The following PDE1C variants were observed in gnomAD, a reference collection of about 807,000 sequenced individuals.
PDE1C encodes the protein dual specificity calcium/calmodulin-dependent 3',5'-cyclic nucleotide phosphodiesterase 1C.
Under a neutral mutation model 93.1 loss-of-function variants are expected in PDE1C, and 62 were observed. The observed-to-expected ratio is 0.67, with a 90% confidence interval of 0.54 to 0.82. The LOEUF (loss-of-function observed/expected upper bound fraction) is 0.82. Ranked by LOEUF, PDE1C falls within the 40% of genes least tolerant of loss-of-function variation. The probability of loss-of-function intolerance (pLI) is 0.00; values close to 1 mark genes in which losing one functional copy is unlikely to be tolerated. For missense variants in PDE1C, 742 were observed against 884.6 expected (o/e 0.84, Z 2.04); for synonymous variants, 325 against 310.1 (o/e 1.05, Z -0.50).
chr7:31,849,225 G>C (rs1346197265), intron 8 of PDE1C, among the ~76,000 whole-genome samples: 1 of 152,180 alleles, frequency 6.6e-6, no homozygotes, highest in Non-Finnish European at 1.5e-5. Flanking sequence ...TCTCCTCTGT[G>C]TTGGGACTGG....
chr7:32,419,960 C>T lies in PDE1C; in HGVS notation c.310+7862G>A, dbSNP rs373766215. On this transcript the variant is annotated intron_variant, in intron 1 of 1. Coordinates refer to the PDE1C transcript ENST00000672256. ...GGGTAATAGGCTGGGCATGGTGGCT[C>T]ACACCTGTAATCCCAGCAGTTTGGG... Among the ~76,000 whole-genome samples the T allele has an allele frequency of 2.0e-5, 3 of 150,034 alleles. No homozygotes were observed. In the East Asian group the frequency reaches 6.0e-4, roughly 30 times the overall value.
At chr7:32,422,840 G>A (rs1785459652) in intron 1 of PDE1C, among the ~76,000 whole-genome samples, 1 of 152,212 alleles carries the variant, frequency 6.6e-6, no homozygotes, top group African/African-American at 2.4e-5. Flanking sequence ...AAATTGGCAA[G>A]AGAGTGGTTG....
the PDE1C span, among the ~76,000 whole-genome samples, chr7:31,684,135 G>C: frequency 1.3e-5 from 2 of 152,142 alleles, no homozygotes; most frequent in Non-Finnish European, 2.9e-5. Flanking sequence ...CCTTAAAAGG[G>C]GGAGGGGCAT....
intron 3 of PDE1C, among the ~76,000 whole-genome samples, chr7:32,101,197 G>C (rs1798018732): frequency 6.6e-6 from 1 of 152,184 alleles, no homozygotes. Flanking sequence ...ACATCAACCA[G>C]CAAAGTTCTT....
At chr7:31,729,096 A>G in the PDE1C span, among the ~76,000 whole-genome samples, 4 of 152,240 alleles carry the variant, frequency 2.6e-5, no homozygotes, top group Admixed American at 2.6e-4. Context: ...AATGATAAAT[A>G]CAGGCTGTGT....
At chr7:31,950,895 G>A (rs574698177) in intron 2 of PDE1C, among the ~76,000 whole-genome samples, 3 of 152,210 alleles carry the variant, frequency 2.0e-5, no homozygotes, top group African/African-American at 7.2e-5. Context: ...GTCTGCTGGG[G>A]CTGCCATGAT....
At chr7:32,308,750 C>T (rs1012706115) in intron 1 of PDE1C, among the ~76,000 whole-genome samples, 5 of 152,116 alleles carry the variant, frequency 3.3e-5, no homozygotes, top group African/African-American at 1.2e-4. Flanking sequence ...CCCTTCTGTA[C>T]GTCACCATCA....
intron 2 of PDE1C, among the ~76,000 whole-genome samples, chr7:31,982,729 G>A (rs1160108023): frequency 6.6e-5 from 10 of 151,848 alleles, no homozygotes; most frequent in Admixed American, 6.5e-4. Context: ...AAGTGTAGGT[G>A]TTCATTATAC....
chr7:32,181,164 T>C (rs1009509207), intron 2 of PDE1C, among the ~76,000 whole-genome samples: 8 of 152,164 alleles, frequency 5.3e-5, no homozygotes, highest in Admixed American at 2.6e-4. Context: ...CTTAAAGACA[T>C]ACAAAGAGAC....
the PDE1C span, among the ~76,000 whole-genome samples, chr7:31,714,941 T>C: frequency 6.6e-6 from 1 of 152,106 alleles, no homozygotes; most frequent in Non-Finnish European, 1.5e-5. Context: ...GGAGCTTCAC[T>C]ATAAGAGGTA....
the PDE1C span, among the ~76,000 whole-genome samples, chr7:31,659,352 T>C: frequency 6.6e-6 from 1 of 152,328 alleles, no homozygotes; most frequent in African/African-American, 2.4e-5. Flanking sequence ...GAGGAGTACA[T>C]TGACACTGAT....
intron 3 of PDE1C, among the ~76,000 whole-genome samples, chr7:32,156,227 C>A (rs930440105): frequency 2.6e-5 from 4 of 152,112 alleles, no homozygotes; most frequent in African/African-American, 9.7e-5. Flanking sequence ...CCTATCAACC[C>A]ATCACCTAGG....
chr7:31,955,644 C>T (rs1172305786), intron 2 of PDE1C, among the ~76,000 whole-genome samples: 1 of 152,100 alleles, frequency 6.6e-6, no homozygotes, highest in Non-Finnish European at 1.5e-5. Context: ...CCAGGTTGAA[C>T]ATTTAACTCA....
intron 2 of PDE1C, among the ~76,000 whole-genome samples, chr7:31,977,284 C>T (rs1272161754): frequency 6.6e-6 from 1 of 152,030 alleles, no homozygotes; most frequent in Non-Finnish European, 1.5e-5. Flanking sequence ...CATTTGATGC[C>T]CTCCAACATA....
At chr7:32,099,824 C>A (rs762337728) in intron 3 of PDE1C, among the ~76,000 whole-genome samples, 13 of 152,206 alleles carry the variant, frequency 8.5e-5, no homozygotes, top group Non-Finnish European at 2.9e-5. Flanking sequence ...AACACCCACT[C>A]TCTACATGGG....
At chr7:31,632,667 G>A in the PDE1C span, among the ~76,000 whole-genome samples, 1 of 152,144 alleles carries the variant, frequency 6.6e-6, no homozygotes, top group Non-Finnish European at 1.5e-5. Flanking sequence ...GTGTATGGAA[G>A]TGAAATCTAG....
intron 1 of PDE1C, among the ~76,000 whole-genome samples, chr7:32,276,617 C>T (rs1017053595): frequency 2.0e-5 from 3 of 152,096 alleles, no homozygotes; most frequent in Middle Eastern, 3.2e-3. Context: ...GCTTGGATTC[C>T]AACCCTGGCT....
At chr7:31,939,993 C>G (rs1322803604) in intron 2 of PDE1C, among the ~76,000 whole-genome samples, 2 of 152,086 alleles carry the variant, frequency 1.3e-5, no homozygotes, top group African/African-American at 2.4e-5. Context: ...GGAAATCTCC[C>G]CAAACTAGAG....
chr7:32,346,096 G>C (rs999321192), intron 1 of PDE1C, among the ~76,000 whole-genome samples: 8 of 152,198 alleles, frequency 5.3e-5, no homozygotes, highest in African/African-American at 1.7e-4. Context: ...TTGGTAAATG[G>C]ATAAGCAAAC....
Sources: gnomAD v4.1 joint callset for allele counts (sites outside exome capture counted in the v4.1 genomes callset) on GRCh38, gnomAD v4.1.1 for gene constraint, MANE v1.5 for transcripts, NCBI Gene and HGNC (gene_info 2026-07-23, HGNC 2026-07-21) for gene names.